Variants in NLRP2 observed in about 807,000 individuals in gnomAD.
The protein encoded by NLRP2 is NACHT, LRR and PYD domains-containing protein 2.
In NLRP2, 107 loss-of-function variants were observed where a neutral mutation model predicts 97.2. The ratio of observed to expected loss-of-function variants is 1.10; its 90% CI spans 0.94 to 1.29. NLRP2 has a LOEUF of 1.29. NLRP2 is among the 50% of genes most tolerant of loss of function. NLRP2 has a pLI of 0.00. For synonymous variants in NLRP2, 663 were observed against 551.5 expected (o/e 1.20, Z -2.83); for missense variants, 1,495 against 1,330.3 (o/e 1.12, Z -1.93).
Position 54,970,021 on chromosome 19 carries a change from G to A in NLRP2, c.6G>A (p.Val2=), listed in dbSNP as rs770445038. 7 of 1,613,524 alleles carry A rather than the reference G, an allele frequency of 4.3e-6. No homozygotes were observed. In the South Asian group the frequency reaches 7.7e-5, roughly 18 times the overall value. M[V]SSAQMGFNLQ... ...CAGCTCCCACGTGGGACAAGATGGTGTCTTCGGCGCAGATGGGCTTCAACC... is the reference window on the plus strand; with the variant it reads ...CAGCTCCCACGTGGGACAAGATGGTATCTTCGGCGCAGATGGGCTTCAACC... The change falls in exon 2 of 13, where the codon GTG becomes GTA. Residue 2 remains valine (V), a synonymous_variant. Transcript: ENST00000448584.
intron 12 of NLRP2, 29 bp downstream of exon 12, chr19:54,997,516 T>C (rs548400106): frequency 1.9e-6 from 3 of 1,613,100 alleles, no homozygotes; most frequent in Non-Finnish European, 2.5e-6. Flanking sequence ...CCCATCAGGC[T>C]TTCTCCAGAG....
chr19:54,974,422 CATCTT>C (rs2071064673), intron 2 of NLRP2, 73 bp from the exon 3 acceptor site: 1 of 1,019,670 alleles, frequency 9.8e-7, no homozygotes, highest in African/African-American at 1.6e-5. Context: ...TTCTAAGTGT[CATCTT>C]TTCTTTTATG....
intron 4 of NLRP2, among the ~76,000 whole-genome samples, chr19:54,979,825 G>A (rs1030384817): frequency 6.6e-6 from 1 of 151,950 alleles, no homozygotes; most frequent in Non-Finnish European, 1.5e-5. Flanking sequence ...TGCCCAGACT[G>A]GAGTGCAGTG....
intron 4 of NLRP2, among the ~76,000 whole-genome samples, chr19:54,978,401 A>AT (rs974572512): frequency 6.6e-6 from 1 of 151,046 alleles, no homozygotes; most frequent in Non-Finnish European, 1.5e-5. Flanking sequence ...CGCCCAGCTA[A>AT]TTTTTTTTTG....
chr19:54,990,076 T>G lies in NLRP2; in HGVS notation c.2421T>G (p.Leu807=), dbSNP rs1230995508. The G allele has an allele frequency of 1.2e-6, 2 of 1,614,144 alleles. No homozygotes were observed. Among genetic ancestry groups the G allele is most frequent in the Admixed American group, 1.7e-5 (1 of 60,006 alleles). The change falls in exon 9 of 13, where the codon CTT becomes CTG. Residue 807 remains leucine (L), a synonymous_variant. Coordinates refer to ENST00000448584, the MANE Select transcript of NLRP2 (RefSeq NM_017852.5). ...TQQWADLSLA[L]EVNQSLTCVN... The stretch of plus-strand genomic sequence containing the variant: ...AGTGGGCTGATCTCTCCTTGGCCCT[T>G]GAAGTCAACCAGTCCCTGACGTGCG...
intron 1 of NLRP2, among the ~76,000 whole-genome samples, chr19:54,967,383 G>A (rs557004946): frequency 6.8e-6 from 1 of 147,998 alleles, no homozygotes; most frequent in Admixed American, 6.8e-5. Flanking sequence ...TCAGGAGGCT[G>A]AGGCAGGAGA....
chr19:54,975,448 T>G lies in NLRP2; in HGVS notation c.325+904T>G, dbSNP rs528641358. On this transcript the variant is annotated intron_variant, in intron 3 of 12. Coordinates refer to ENST00000448584, the MANE Select transcript of NLRP2 (RefSeq NM_017852.5). ...TACCAGCTACTTATATCCTGAAGATTATTATTATTTTTTTTTTTTTTGAGA... is the reference window on the plus strand; with the variant it reads ...TACCAGCTACTTATATCCTGAAGATGATTATTATTTTTTTTTTTTTTGAGA... 4.0e-4 allele frequency among the ~76,000 whole-genome samples: 40 copies of G among 100,490 alleles called. 4 individuals carry two copies. Among genetic ancestry groups the G allele is most frequent in the South Asian group, 3.0e-3 (9 of 3,046 alleles). The allele number at this position is 100,490 out of a possible 152,430, so 65.9% of individuals were successfully genotyped here.
At chr19:54,975,106 G>GTTTTGTTTTTTTTTT (rs2071120773) in intron 3 of NLRP2, among the ~76,000 whole-genome samples, 1 of 58,674 alleles carries the variant, frequency 1.7e-5, no homozygotes, top group East Asian at 5.0e-4. Context: ...ACCCGGTTTT[G>GTTTTGTTTTTTTTTT]TTTTTTTTTT....
Position 54,982,544 on chromosome 19 carries a change from A to G in NLRP2, c.846A>G (p.Lys282=), listed in dbSNP as rs1278832367. The G allele has an allele frequency of 6.2e-7, 1 of 1,614,174 alleles. No homozygotes were observed. The highest frequency in any genetic ancestry group is 1.1e-5 in the South Asian group (1 of 91,086). ...CACACATCCTAGCCCAAGCACGGAA[A>G]ATCTTGTTCGTGATTGACGGCTTTG... ...DIPHILAQAR[K]ILFVIDGFDE... The change falls in exon 6 of 13, where the codon AAA becomes AAG. Residue 282 remains lysine (K), a synonymous_variant. Coordinates refer to ENST00000448584, the MANE Select transcript of NLRP2 (RefSeq NM_017852.5).
rs548100835 is a variant in NLRP2 at position 54,969,494 on chromosome 19, A to T, written c.-17-505A>T. On this transcript the variant is annotated intron_variant, in intron 1 of 12. Transcript: ENST00000448584. The stretch of plus-strand genomic sequence containing the variant: ...CTCCGTCTCAAAAAAAAAAAAAAAA[A>T]AAATACAAAAAGTAGCTGAGCGTGG... Among the ~76,000 whole-genome samples the T allele has an allele frequency of 1.9e-4, 29 of 151,716 alleles. 1 individual carries two copies. The South Asian group carries it at 2.1e-3, about 11-fold the overall frequency.
At chr19:54,984,964 G>A (rs1184783459) in intron 6 of NLRP2, 83 bp from the exon 7 acceptor site, 3 of 1,306,398 alleles carry the variant, frequency 2.3e-6, no homozygotes, top group African/African-American at 2.9e-5. Context: ...TCATTTGTCA[G>A]GGGTATATGC....
intron 7 of NLRP2, among the ~76,000 whole-genome samples, 170 bp downstream of exon 7, chr19:54,985,387 A>T (rs764340273): frequency 6.6e-6 from 1 of 152,048 alleles, no homozygotes; most frequent in Non-Finnish European, 1.5e-5. Flanking sequence ...GTATAAAGTA[A>T]TTTCTAGGGG....
Position 54,974,410 on chromosome 19 carries a change from A to C in NLRP2, c.281-90A>C, listed in dbSNP as rs540179119. The C allele has an allele frequency of 1.5e-5, 14 of 916,036 alleles. No homozygotes were observed. In the African/African-American group the frequency reaches 2.1e-4, roughly 14 times the overall value. The allele number at this position is 916,036 out of a possible 1,614,324, so 56.7% of individuals were successfully genotyped here. On this transcript the variant is annotated intron_variant, in intron 2 of 12. Transcript: ENST00000448584. ...GATAAGAGAAAGGAACAAGTGATCC[A>C]GTTCTAAGTGTCATCTTTTCTTTTA...
At chr19:54,981,789 A>T in intron 5 of NLRP2, 107 bp downstream of exon 5, 1 of 795,446 alleles carries the variant, frequency 1.3e-6, no homozygotes, top group Non-Finnish European at 2.2e-6. Flanking sequence ...TTATGTATGT[A>T]TGTATCGAGA....
In NLRP2 at chr19:54,989,500, G is replaced by T. The variant is rs936581501; in HGVS notation, c.2367-522G>T. 5.9e-5 allele frequency: 12 copies of T among 201,870 alleles called. No homozygotes were observed. The South Asian group carries it at 1.1e-3, about 19-fold the overall frequency. 12.5% of individuals were successfully genotyped at this position (201,870 alleles called of 1,614,324 possible). A position where few individuals can be genotyped will look rare whatever the true frequency, so the allele number is the denominator to read the frequency against. The stretch of plus-strand genomic sequence containing the variant: ...CAAAAAACCAAACAATGAAACATAG[G>T]TTAGCGGAGTCTGCATCCAACATTA... On this transcript the variant is annotated intron_variant, in intron 8 of 12. Coordinates refer to ENST00000448584, the MANE Select transcript of NLRP2 (RefSeq NM_017852.5).
chr19:54,980,197 G>T (rs1350052437), intron 4 of NLRP2, among the ~76,000 whole-genome samples: 1 of 105,818 alleles, frequency 9.5e-6, no homozygotes, highest in Non-Finnish European at 2.0e-5. Context: ...GTAAAGAAAT[G>T]TTTTGTTTTG....
At chr19:54,977,627 T>C (rs1239140727) in intron 3 of NLRP2, 125 bp from the exon 4 acceptor site, 1 of 890,774 alleles carries the variant, frequency 1.1e-6, no homozygotes, top group Non-Finnish European at 1.9e-6. Context: ...TCCAGTACCT[T>C]ATCAACGTCC....
chr19:54,994,286 T>C lies in NLRP2; in HGVS notation c.2726T>C (p.Ile909Thr), dbSNP rs2072674045. The change falls in exon 11 of 13, where the codon ATA (isoleucine) becomes ACA (threonine). Residue 909 changes from isoleucine to threonine, a missense_variant. Physicochemically the swap from Ile to Thr is moderately conservative, Grantham distance 89. Transcript: ENST00000448584. Reference sequence around the variant, plus strand: ...ATTTCTAGGCTTTGGAACTGCGACATAACTAGCGATGGCTGCTGCGATCTC... The same window carrying C: ...ATTTCTAGGCTTTGGAACTGCGACACAACTAGCGATGGCTGCTGCGATCTC... ...LQTLVLWNCD[I>T]TSDGCCDLTK... 2 of 1,614,120 alleles carry C rather than the reference T, an allele frequency of 1.2e-6. No individual in the cohort carries two copies. The highest frequency in any genetic ancestry group is 1.7e-6 in the Non-Finnish European group (2 of 1,179,996).
chr19:54,970,431 A>G, intron 2 of NLRP2, 136 bp downstream of exon 2: 3 of 944,660 alleles, frequency 3.2e-6, no homozygotes, highest in Non-Finnish European at 5.0e-6. Context: ...CGGTTGGACC[A>G]CCTGAGGGTC....
Sources: allele counts gnomAD v4.1 joint callset (sites outside exome capture counted in the v4.1 genomes callset), GRCh38; gene constraint gnomAD v4.1.1; transcripts MANE v1.5; gene names NCBI Gene and HGNC (gene_info 2026-07-23, HGNC 2026-07-21).